The following PLCL2 variants were observed in gnomAD, a reference collection of about 807,000 sequenced individuals.
PLCL2 encodes the protein inactive phospholipase C-like protein 2.
Under a neutral mutation model 79.6 loss-of-function variants are expected in PLCL2, and 4 were observed. The ratio of observed to expected loss-of-function variants is 0.05; its 90% CI spans 0.02 to 0.11. PLCL2 has a LOEUF of 0.11. Ranked by LOEUF, PLCL2 falls within the 10% of genes least tolerant of loss-of-function variation. The pLI is 1.00. For missense variants in PLCL2, 895 were observed against 1,291.0 expected, an observed-to-expected ratio of 0.69 and a Z score of 4.70; for synonymous variants, 484 against 457.7, an observed-to-expected ratio of 1.06 and a Z score of -0.73.
chr3:17,063,820 T>C (rs2064981424), intron 4 of PLCL2, among the ~76,000 whole-genome samples: 1 of 152,200 alleles, frequency 6.6e-6, no homozygotes, highest in African/African-American at 2.4e-5. Context: ...CGCATCCCCA[T>C]AGTGGGAGTC....
intron 1 of PLCL2, among the ~76,000 whole-genome samples, chr3:16,981,818 C>G (rs1410926247): frequency 6.6e-6 from 1 of 152,070 alleles, no homozygotes; most frequent in Admixed American, 6.5e-5. Context: ...GATGTGTAAC[C>G]CTGTGTATTG....
chr3:17,019,043 T>C (rs1267805634), intron 3 of PLCL2, among the ~76,000 whole-genome samples: 6 of 152,224 alleles, frequency 3.9e-5, no homozygotes, highest in Admixed American at 3.9e-4. Flanking sequence ...TTTTAAAATA[T>C]ATAAATGAAT....
At chr3:17,084,063 G>A (rs1455972084) in intron 5 of PLCL2, among the ~76,000 whole-genome samples, 12 of 152,110 alleles carry the variant, frequency 7.9e-5, no homozygotes, top group Non-Finnish European at 1.8e-4. Flanking sequence ...AACTAAGAAA[G>A]AGATGATACA....
chr3:16,964,502 G>A (rs2063786086), intron 1 of PLCL2, among the ~76,000 whole-genome samples: 1 of 152,164 alleles, frequency 6.6e-6, no homozygotes, highest in Non-Finnish European at 1.5e-5. Flanking sequence ...TGTCTTTATA[G>A]CAGCATGATT....
chr3:17,063,128 C>G, intron 4 of PLCL2, among the ~76,000 whole-genome samples: 1 of 145,104 alleles, frequency 6.9e-6, no homozygotes, highest in Admixed American at 7.0e-5. Context: ...GAAACTTTCT[C>G]AGGATCAATA....
intron 3 of PLCL2, among the ~76,000 whole-genome samples, chr3:17,017,014 A>G (rs1308514153): frequency 3.3e-5 from 5 of 152,168 alleles, no homozygotes; most frequent in Non-Finnish European, 5.9e-5. Flanking sequence ...TGCTCTATCA[A>G]GAGTGTGTGA....
intron 1 of PLCL2, among the ~76,000 whole-genome samples, chr3:16,973,767 A>G (rs898858397): frequency 2.0e-5 from 3 of 152,188 alleles, no homozygotes; most frequent in Non-Finnish European, 4.4e-5. Context: ...GTCAGTTTTC[A>G]TTTAGGTCTA....
intron 3 of PLCL2, among the ~76,000 whole-genome samples, chr3:17,028,257 T>G (rs1239324068): frequency 6.6e-6 from 1 of 152,106 alleles, no homozygotes; most frequent in Admixed American, 6.5e-5. Flanking sequence ...TCTCTCAAAC[T>G]GTAAAATCCA....
At position 17,010,177 on chromosome 3, in the gene PLCL2, T is replaced by C; in HGVS notation, c.831T>C (p.Ser277=). 2.5e-6 allele frequency: 4 copies of C among 1,613,908 alleles called. No homozygotes were observed. The highest frequency in any genetic ancestry group is 2.5e-6 in the Non-Finnish European group (3 of 1,179,798). ...CTTCTTGGGTTTCACAAATGTTTAG[T>C]GAAATTGATGTAGATAACCTTGGAC... The part of the protein sequence containing the change: ...MRTSWVSQMF[S]EIDVDNLGHI... The change falls in exon 2 of 6, where the codon AGT becomes AGC. Residue 277 remains serine, a synonymous_variant. Coordinates refer to ENST00000615277, the MANE Select transcript of PLCL2 (RefSeq NM_001144382.2). The surrounding 1 kb of genome is among the most constrained non-coding windows in gnomAD (Gnocchi z 5.8).
At chr3:16,975,318 G>A (rs778378697) in intron 1 of PLCL2, among the ~76,000 whole-genome samples, 5 of 152,072 alleles carry the variant, frequency 3.3e-5, no homozygotes, top group Non-Finnish European at 5.9e-5. Context: ...TTCCTTATTC[G>A]CTTACTCATG....
chr3:17,047,319 C>T lies in PLCL2; in HGVS notation c.3094+4370C>T, dbSNP rs182406003. 2.0e-4 allele frequency among the ~76,000 whole-genome samples: 31 copies of T among 152,300 alleles called. No homozygotes were observed. In the East Asian group the frequency reaches 3.7e-3, roughly 18 times the overall value. Reference sequence around the variant, plus strand: ...AGAGCCCGCATAGGACACCTGCTGGCTTCCCTGCTTTCATGGGCATGCCTC... The same window carrying T: ...AGAGCCCGCATAGGACACCTGCTGGTTTCCCTGCTTTCATGGGCATGCCTC... On this transcript the variant is annotated intron_variant, in intron 4 of 5. Coordinates refer to ENST00000615277, the MANE Select transcript of PLCL2 (RefSeq NM_001144382.2).
intron 2 of PLCL2, among the ~76,000 whole-genome samples, chr3:17,012,630 A>G (rs2064339628): frequency 2.6e-5 from 4 of 152,282 alleles, no homozygotes; most frequent in Admixed American, 2.6e-4. Context: ...ATATATGTGT[A>G]TGCATAGTGA....
intron 5 of PLCL2, among the ~76,000 whole-genome samples, chr3:17,084,689 A>G (rs1049732080): frequency 2.0e-5 from 3 of 152,232 alleles, no homozygotes; most frequent in African/African-American, 7.2e-5. Flanking sequence ...TCGTGGTTGT[A>G]TCAGTAGATG....
chr3:17,080,152 G>A (rs1319510193), intron 5 of PLCL2, among the ~76,000 whole-genome samples: 1 of 152,128 alleles, frequency 6.6e-6, no homozygotes, highest in Non-Finnish European at 1.5e-5. Context: ...GCACATACAG[G>A]AAGCCAAAAG....
intron 1 of PLCL2, among the ~76,000 whole-genome samples, chr3:16,914,036 G>A (rs1258171231): frequency 4.6e-5 from 7 of 152,176 alleles, no homozygotes; most frequent in Non-Finnish European, 1.0e-4. Flanking sequence ...GCTATGTGTT[G>A]TCATAATGTT....
chr3:16,958,618 G>A (rs2063727888), intron 1 of PLCL2, among the ~76,000 whole-genome samples: 1 of 152,180 alleles, frequency 6.6e-6, no homozygotes, highest in African/African-American at 2.4e-5. Flanking sequence ...CCAATTTAAT[G>A]TGTCAAACTC....
intron 1 of PLCL2, among the ~76,000 whole-genome samples, chr3:16,987,320 C>G (rs2064061120): frequency 6.6e-6 from 1 of 152,042 alleles, no homozygotes; most frequent in South Asian, 2.1e-4. Context: ...CACAGCAGCC[C>G]CTCTGCACTG....
rs563638605 is a variant in PLCL2 at position 16,886,259 on chromosome 3, C to G, written c.327+893C>G. The stretch of plus-strand genomic sequence containing the variant: ...AAGAAGAGCAGAGCCTTAGGCAAGA[C>G]CAGCTCATTCGGCTCGCTCAAGTTT... On this transcript the variant is annotated intron_variant, in intron 1 of 5. Transcript: ENST00000615277. The surrounding 1 kb of genome is among the most constrained non-coding windows in gnomAD (Gnocchi z 4.2). Among the ~76,000 whole-genome samples the G allele has an allele frequency of 6.6e-6, 1 of 152,292 alleles. No individual in the cohort carries two copies. The highest frequency in any genetic ancestry group is 1.9e-4 in the East Asian group (1 of 5,190).
At chr3:16,889,167 C>A (rs1696290131) in intron 1 of PLCL2, among the ~76,000 whole-genome samples, 1 of 152,126 alleles carries the variant, frequency 6.6e-6, no homozygotes, top group African/African-American at 2.4e-5. Context: ...AAAGTGCTTA[C>A]CGTAATTCTC....
Sources: allele counts gnomAD v4.1 joint callset (sites outside exome capture counted in the v4.1 genomes callset), GRCh38; gene constraint gnomAD v4.1.1; non-coding constraint Gnocchi (gnomAD v3.1); transcripts MANE v1.5; gene names NCBI Gene and HGNC (gene_info 2026-07-23, HGNC 2026-07-21).